The following JADE3 variants were observed in gnomAD, a reference collection of about 807,000 sequenced individuals.
JADE3 encodes jade family PHD finger 3.
JADE3 carries 2 observed loss-of-function variants against 50.1 expected under a neutral mutation model. The ratio of observed to expected loss-of-function variants is 0.04; its 90% CI spans 0.02 to 0.13. JADE3 has a LOEUF of 0.13. JADE3 is among the 10% of genes least tolerant of loss of function. The pLI is 1.00. For synonymous variants in JADE3, 218 were observed against 232.9 expected, an observed-to-expected ratio of 0.94 and a Z score of 0.58; for missense variants, 475 against 634.4, an observed-to-expected ratio of 0.75 and a Z score of 2.70.
chrX:46,978,457 G>C (rs1927672562), intron 1 of JADE3, among the ~76,000 whole-genome samples: 1 of 111,676 alleles, frequency 9.0e-6, no homozygotes, highest in African/African-American at 3.3e-5. Flanking sequence ...ATAGAACCAG[G>C]GTTGGGGAAA....
At chrX:46,968,283 A>G (rs1381988449) in intron 1 of JADE3, among the ~76,000 whole-genome samples, 2 of 112,107 alleles carry the variant, frequency 1.8e-5, no homozygotes, top group African/African-American at 6.5e-5. Flanking sequence ...GAGTTAAGAG[A>G]TTTTGAGATA....
intron 3 of JADE3, among the ~76,000 whole-genome samples, chrX:46,987,401 G>A (rs1927886182): frequency 8.9e-6 from 1 of 111,961 alleles, no homozygotes; most frequent in African/African-American, 3.2e-5. Context: ...TCAAAGGAAT[G>A]ACATCCCATC....
intron 1 of JADE3, among the ~76,000 whole-genome samples, chrX:46,917,858 C>CCTCTCT (rs150958785): frequency 1.1e-3 from 26 of 22,849 alleles, no homozygotes; most frequent in East Asian, 3.7e-3. Flanking sequence ...TCTCTCTCAT[C>CCTCTCT]CTCTCTCTCT....
At chrX:47,040,439 T>G (rs1274578307) in intron 8 of JADE3, among the ~76,000 whole-genome samples, 1 of 111,697 alleles carries the variant, frequency 9.0e-6, no homozygotes, top group East Asian at 2.8e-4. Context: ...GGGATCTAGG[T>G]TGAGCACTCC....
chrX:46,935,209 C>CT (rs1556340700), intron 1 of JADE3, among the ~76,000 whole-genome samples: 18 of 112,184 alleles, frequency 1.6e-4, no homozygotes, highest in South Asian at 1.1e-3. Flanking sequence ...GCTGGGATTA[C>CT]AGACATGAGC....
chrX:47,017,039 A>T (rs1928691085), intron 4 of JADE3, among the ~76,000 whole-genome samples: 1 of 112,196 alleles, frequency 8.9e-6, no homozygotes, highest in Non-Finnish European at 1.9e-5. Context: ...TACTCGAGCT[A>T]TAGTAACTGA....
At chrX:47,049,642 C>T (rs1484789645) in intron 8 of JADE3, among the ~76,000 whole-genome samples, 1 of 105,512 alleles carries the variant, frequency 9.5e-6, no homozygotes, top group Non-Finnish European at 1.9e-5. Context: ...GACAGGGTTT[C>T]GTCATGTTTC....
At chrX:46,986,923 C>G (rs1388969045) in intron 3 of JADE3, among the ~76,000 whole-genome samples, 1 of 112,487 alleles carries the variant, frequency 8.9e-6, no homozygotes, top group Non-Finnish European at 1.9e-5. Flanking sequence ...TTATGTATTG[C>G]TACATTACAA....
intron 4 of JADE3, among the ~76,000 whole-genome samples, chrX:47,020,312 C>G (rs1246404492): frequency 9.5e-6 from 1 of 105,473 alleles, no homozygotes; most frequent in Admixed American, 1.0e-4. Flanking sequence ...GCCTGGGCAA[C>G]AGAGTGAGAC....
intron 1 of JADE3, among the ~76,000 whole-genome samples, chrX:46,938,213 G>GT (rs1383881700): frequency 9.0e-6 from 1 of 111,213 alleles, no homozygotes; most frequent in African/African-American, 3.3e-5. Context: ...TACATCTGTC[G>GT]TTTTTTATTT....
intron 7 of JADE3, among the ~76,000 whole-genome samples, chrX:47,034,481 G>A (rs1226496044): frequency 1.8e-5 from 2 of 111,734 alleles, no homozygotes; most frequent in Non-Finnish European, 3.8e-5. Context: ...GATATACTCT[G>A]ATTTATTCAT....
intron 1 of JADE3, among the ~76,000 whole-genome samples, chrX:46,983,987 A>G (rs886986701): frequency 6.2e-5 from 7 of 112,068 alleles, no homozygotes; most frequent in Admixed American, 3.8e-4. Context: ...AATAGCTTGA[A>G]GGCAGTAGCC....
At chrX:46,918,366 T>A (rs1342996596) in intron 1 of JADE3, among the ~76,000 whole-genome samples, 1 of 112,181 alleles carries the variant, frequency 8.9e-6, no homozygotes, top group African/African-American at 3.2e-5. Flanking sequence ...ATGTTTTTTG[T>A]TTTTTGCATG....
chrX:47,005,217 G>A (rs1412751948), intron 4 of JADE3, among the ~76,000 whole-genome samples: 4 of 111,580 alleles, frequency 3.6e-5, no homozygotes, highest in African/African-American at 9.8e-5. Context: ...GAAAGGGACC[G>A]CCTATCAGAC....
intron 4 of JADE3, among the ~76,000 whole-genome samples, chrX:47,009,402 G>A (rs1556361089): frequency 9.0e-6 from 1 of 111,147 alleles, no homozygotes; most frequent in Non-Finnish European, 1.9e-5. Context: ...AAGACAAGAT[G>A]TGACTGTAAA....
chrX:46,998,168 C>G lies in JADE3; in HGVS notation c.175C>G (p.His59Asp). ...TGCCATGAAACTTCCAGATTCTCAC[C>G]ACATTAATCCTGATAGCTATTACCT... ...ISAMKLPDSHHINPDSYYLFA... is the reference protein window; with the variant it reads ...ISAMKLPDSHDINPDSYYLFA... Residue 59 changes from histidine (H) to aspartate (D), a missense_variant, in exon 4 of 11, where the codon CAC (histidine) becomes GAC (aspartate). His to Asp is a moderately conservative substitution (Grantham distance 81). Coordinates refer to ENST00000614628, the MANE Select transcript of JADE3 (RefSeq NM_014735.5). 1 of 1,203,413 alleles carries G rather than the reference C, an allele frequency of 8.3e-7. No homozygotes were observed. Among genetic ancestry groups the G allele is most frequent in the South Asian group, 1.8e-5 (1 of 56,575 alleles).
intron 9 of JADE3, among the ~76,000 whole-genome samples, chrX:47,055,539 A>AAC (rs1346735425): frequency 1.8e-5 from 2 of 112,446 alleles, no homozygotes; most frequent in African/African-American, 6.5e-5. Flanking sequence ...TTTACAGATG[A>AAC]ACAAACTGGG....
At chrX:46,919,006 T>C (rs1441817629) in intron 1 of JADE3, among the ~76,000 whole-genome samples, 1 of 112,510 alleles carries the variant, frequency 8.9e-6, no homozygotes, top group Non-Finnish European at 1.9e-5. Context: ...TAATTAGCAA[T>C]GAATGTAAGC....
chrX:46,919,147 G>A (rs1926167256), intron 1 of JADE3, among the ~76,000 whole-genome samples: 1 of 112,477 alleles, frequency 8.9e-6, no homozygotes, highest in Non-Finnish European at 1.9e-5. Flanking sequence ...GTTTTTCTGG[G>A]AAGAAGCCAA....
Sources: allele counts gnomAD v4.1 joint callset (sites outside exome capture counted in the v4.1 genomes callset), GRCh38; gene constraint gnomAD v4.1.1; transcripts MANE v1.5; gene names NCBI Gene and HGNC (gene_info 2026-07-23, HGNC 2026-07-21).